The following L3MBTL4 variants were observed in gnomAD, a reference collection of about 807,000 sequenced individuals.
The protein encoded by L3MBTL4 is lethal(3)malignant brain tumor-like protein 4.
In L3MBTL4, 70 loss-of-function variants were observed where a neutral mutation model predicts 84.5. That is an observed-to-expected ratio of 0.83 (90% confidence interval 0.68 to 1.01). The LOEUF is 1.01. L3MBTL4 is among the 50% of genes least tolerant of loss of function. L3MBTL4 has a pLI of 0.00. For synonymous variants in L3MBTL4, 274 were observed against 259.8 expected (o/e 1.05, Z -0.52); for missense variants, 715 against 754.8 (o/e 0.95, Z 0.62).
chr18:6,167,063 A>C (rs2043704336), intron 13 of L3MBTL4, among the ~76,000 whole-genome samples: 1 of 152,228 alleles, frequency 6.6e-6, no homozygotes, highest in Non-Finnish European at 1.5e-5. Flanking sequence ...ACACAAATAA[A>C]CTAGAAAATC....
At chr18:6,153,806 G>A (rs1022400258) in intron 13 of L3MBTL4, among the ~76,000 whole-genome samples, 1 of 152,074 alleles carries the variant, frequency 6.6e-6, no homozygotes, top group African/African-American at 2.4e-5. Context: ...TCTCTCTCCT[G>A]CCACCTTGTG....
chr18:6,309,568 G>T (rs2050737169), intron 3 of L3MBTL4, among the ~76,000 whole-genome samples: 1 of 152,172 alleles, frequency 6.6e-6, no homozygotes, highest in Non-Finnish European at 1.5e-5. Context: ...TGCAAGCCCT[G>T]CACTAAAAGC....
At chr18:6,367,095 G>C (rs534408687) in intron 1 of L3MBTL4, among the ~76,000 whole-genome samples, 1 of 152,222 alleles carries the variant, frequency 6.6e-6, no homozygotes, top group East Asian at 1.9e-4. Context: ...TCCCAAGCCC[G>C]ACAGTCTAAC....
intron 12 of L3MBTL4, among the ~76,000 whole-genome samples, chr18:6,186,319 G>A (rs977003723): frequency 1.3e-5 from 2 of 152,130 alleles, no homozygotes; most frequent in Admixed American, 6.5e-5. Flanking sequence ...TGGGATTACA[G>A]GCATGAGCCA....
chr18:6,210,888 AC>A (rs1241589459), intron 12 of L3MBTL4, among the ~76,000 whole-genome samples: 1 of 152,066 alleles, frequency 6.6e-6, no homozygotes, highest in African/African-American at 2.4e-5. Context: ...AAATAAATAC[AC>A]CCAGGGAGGG....
chr18:6,113,925 T>A (rs1263441289), intron 14 of L3MBTL4, among the ~76,000 whole-genome samples: 1 of 152,192 alleles, frequency 6.6e-6, no homozygotes, highest in African/African-American at 2.4e-5. Flanking sequence ...TTGTCCACAG[T>A]CTACCTACTT....
At chr18:6,377,024 G>C (rs746484404) in intron 1 of L3MBTL4, among the ~76,000 whole-genome samples, 5 of 152,104 alleles carry the variant, frequency 3.3e-5, no homozygotes, top group African/African-American at 7.2e-5. Flanking sequence ...AGCAAATAAA[G>C]CTTTGGAGGA....
rs937459051 is a variant in L3MBTL4 at position 5,969,141 on chromosome 18, C to T, written c.1614+252G>A. Among the ~76,000 whole-genome samples, 7 of 152,086 alleles carry T rather than the reference C, an allele frequency of 4.6e-5. No homozygotes were observed. In the East Asian group the frequency reaches 5.8e-4, roughly 13 times the overall value. On this transcript the variant is annotated intron_variant, in intron 17 of 18. Transcript: ENST00000317931. ...AGCCCCAGCTGATAGCTCTGGGCCT[C>T]GGGGGGCACTGGAATAAGGCTGCGG...
intron 12 of L3MBTL4, among the ~76,000 whole-genome samples, chr18:6,186,331 C>T (rs73938791): frequency 0.039 from 5,883 of 152,086 alleles, 403 homozygotes; most frequent in African/African-American, 0.13. Flanking sequence ...CATGAGCCAC[C>T]ATGCCTGGCC....
intron 13 of L3MBTL4, among the ~76,000 whole-genome samples, chr18:6,169,173 G>GA (rs2043837009): frequency 1.3e-5 from 2 of 152,228 alleles, no homozygotes; most frequent in Admixed American, 6.5e-5. Flanking sequence ...AAAAAGTCAG[G>GA]AAAAAACAGG....
At chr18:6,219,322 A>T (rs1037467715) in intron 10 of L3MBTL4, among the ~76,000 whole-genome samples, 1 of 151,978 alleles carries the variant, frequency 6.6e-6, no homozygotes, top group East Asian at 2.0e-4. Context: ...CTGGAGGCCA[A>T]GGCATAGAAC....
intron 16 of L3MBTL4, among the ~76,000 whole-genome samples, chr18:6,065,817 A>G (rs1447906353): frequency 6.6e-6 from 1 of 151,650 alleles, no homozygotes; most frequent in African/African-American, 2.4e-5. Context: ...TCTTAGTTTC[A>G]TTTATCTTTT....
chr18:6,050,924 C>G (rs938800720), intron 16 of L3MBTL4, among the ~76,000 whole-genome samples: 4 of 152,084 alleles, frequency 2.6e-5, no homozygotes, highest in African/African-American at 9.7e-5. Context: ...AGTTTGTGAT[C>G]CTGTTTTTCT....
In L3MBTL4 at chr18:6,230,664, T is replaced by G. The variant is rs552296651; in HGVS notation, c.784+7300A>C. Among the ~76,000 whole-genome samples the G allele has an allele frequency of 8.5e-5, 13 of 152,274 alleles. No homozygotes were observed. The South Asian group carries it at 2.1e-3, about 24-fold the overall frequency. On this transcript the variant is annotated intron_variant, in intron 10 of 18. Transcript: ENST00000317931. ...TACTTTGAGTTCTTTGAGAAATCACTACACTGCTTTCCACAATGGCTGAAC... is the reference window on the plus strand; with the variant it reads ...TACTTTGAGTTCTTTGAGAAATCACGACACTGCTTTCCACAATGGCTGAAC...
intron 4 of L3MBTL4, among the ~76,000 whole-genome samples, chr18:6,301,324 G>C (rs1489948780): frequency 1.3e-5 from 2 of 152,084 alleles, no homozygotes; most frequent in Non-Finnish European, 2.9e-5. Context: ...AGTAACAGCT[G>C]TCTCCTTGTG....
intron 1 of L3MBTL4, among the ~76,000 whole-genome samples, chr18:6,366,997 G>A (rs758684410): frequency 5.9e-5 from 9 of 152,186 alleles, no homozygotes; most frequent in Admixed American, 5.2e-4. Flanking sequence ...CCCAAGCAGG[G>A]CACAAAACAC....
chr18:6,132,470 T>C (rs1366889453), intron 14 of L3MBTL4, among the ~76,000 whole-genome samples: 2 of 152,194 alleles, frequency 1.3e-5, no homozygotes, highest in Non-Finnish European at 2.9e-5. Flanking sequence ...CCAGCAGCCC[T>C]GAGCATGTGT....
At chr18:6,159,396 A>G (rs1303909202) in intron 13 of L3MBTL4, among the ~76,000 whole-genome samples, 1 of 152,180 alleles carries the variant, frequency 6.6e-6, no homozygotes, top group Non-Finnish European at 1.5e-5. Flanking sequence ...TGAATCATTG[A>G]GTTGCCTCAC....
intron 1 of L3MBTL4, among the ~76,000 whole-genome samples, chr18:6,382,333 T>C (rs2054624858): frequency 6.6e-6 from 1 of 152,196 alleles, no homozygotes; most frequent in Non-Finnish European, 1.5e-5. Context: ...CCTACTTCTG[T>C]CAATTCATCA....
Sources: allele counts gnomAD v4.1 joint callset (sites outside exome capture counted in the v4.1 genomes callset), GRCh38; gene constraint gnomAD v4.1.1; transcripts MANE v1.5; gene names NCBI Gene and HGNC (gene_info 2026-07-23, HGNC 2026-07-21).